The following MAGI1 variants were observed in gnomAD, a reference collection of about 807,000 sequenced individuals.
The protein encoded by MAGI1 is membrane associated guanylate kinase, WW and PDZ domain containing 1, also known as membrane-associated guanylate kinase, WW and PDZ domain-containing protein 1.
A neutral mutation model predicts 139.9 loss-of-function variants in MAGI1; 58 were observed. That is an observed-to-expected ratio of 0.41 (90% CI 0.34 to 0.52). MAGI1 has a LOEUF of 0.52. Ranked by LOEUF, MAGI1 falls within the 20% of genes least tolerant of loss-of-function variation. MAGI1 has a pLI of 0.12. For missense variants in MAGI1, 1,874 were observed against 1,901.6 expected, an observed-to-expected ratio of 0.99 and a Z score of 0.27; for synonymous variants, 812 against 737.9, an observed-to-expected ratio of 1.10 and a Z score of -1.63.
chr3:65,731,332 G>C (rs1023444804), intron 1 of MAGI1, among the ~76,000 whole-genome samples: 1 of 151,906 alleles, frequency 6.6e-6, no homozygotes, highest in African/African-American at 2.4e-5. Context: ...GGCTCCAGTC[G>C]GGTTAAATAG....
intron 3 of MAGI1, among the ~76,000 whole-genome samples, chr3:65,490,102 A>G (rs11131029): frequency 0.98 from 149,440 of 152,280 alleles, 73,391 homozygotes; most frequent in East Asian, 1. Flanking sequence ...GATCCACTAC[A>G]GGAGCAATTT....
At chr3:65,624,087 C>G (rs1377540123) in intron 1 of MAGI1, among the ~76,000 whole-genome samples, 1 of 152,138 alleles carries the variant, frequency 6.6e-6, no homozygotes, top group Non-Finnish European at 1.5e-5. Context: ...CACTAAGTAA[C>G]TACTTGAATA....
At chr3:65,655,092 C>T (rs2085796563) in intron 1 of MAGI1, among the ~76,000 whole-genome samples, 1 of 152,138 alleles carries the variant, frequency 6.6e-6, no homozygotes, top group Admixed American at 6.6e-5. Context: ...TTTATAAGCT[C>T]CCTTTATTAC....
At chr3:65,772,475 A>C (rs1457245047) in intron 1 of MAGI1, among the ~76,000 whole-genome samples, 1 of 152,170 alleles carries the variant, frequency 6.6e-6, no homozygotes, top group African/African-American at 2.4e-5. Flanking sequence ...CAATGTAGGC[A>C]AAAGACCTAA....
chr3:65,493,678 A>T, intron 2 of MAGI1, 47 bp from the exon 3 acceptor site: 2 of 1,610,026 alleles, frequency 1.2e-6, no homozygotes, highest in South Asian at 2.2e-5. Flanking sequence ...ATCAACTAAA[A>T]CAGGAAGTTC....
chr3:65,567,785 A>G (rs1029714571), intron 2 of MAGI1, among the ~76,000 whole-genome samples: 2 of 152,086 alleles, frequency 1.3e-5, no homozygotes, highest in African/African-American at 4.8e-5. Flanking sequence ...GCAGTGAGCC[A>G]TGATCATGCC....
At chr3:65,468,381 T>C (rs1950315078) in intron 5 of MAGI1, among the ~76,000 whole-genome samples, 1 of 136,462 alleles carries the variant, frequency 7.3e-6, no homozygotes, top group Non-Finnish European at 1.6e-5. Context: ...TTTTTTTTTT[T>C]TTTTTTTTTT....
At chr3:65,899,295 G>C (rs532838838) in intron 1 of MAGI1, among the ~76,000 whole-genome samples, 1 of 152,308 alleles carries the variant, frequency 6.6e-6, no homozygotes, top group South Asian at 2.1e-4. Flanking sequence ...AAAGTAAAAT[G>C]TGAGGATTCA....
At chr3:65,710,085 A>G (rs1338040928) in intron 1 of MAGI1, among the ~76,000 whole-genome samples, 1 of 152,142 alleles carries the variant, frequency 6.6e-6, no homozygotes, top group Non-Finnish European at 1.5e-5. Context: ...TGTTAGAGAA[A>G]GTATGTTAAG....
intron 1 of MAGI1, among the ~76,000 whole-genome samples, chr3:65,804,385 T>C (rs143638294): frequency 6.6e-6 from 1 of 151,748 alleles, no homozygotes; most frequent in African/African-American, 2.4e-5. Flanking sequence ...TAAATTGATA[T>C]AAATTTATTG....
At chr3:65,468,516 T>C (rs951673162) in intron 5 of MAGI1, among the ~76,000 whole-genome samples, 3 of 151,578 alleles carry the variant, frequency 2.0e-5, no homozygotes, top group African/African-American at 4.8e-5. Context: ...GCTGGGACTA[T>C]AGGCATGCAC....
At chr3:65,859,205 T>C (rs1001457189) in intron 1 of MAGI1, among the ~76,000 whole-genome samples, 7 of 151,790 alleles carry the variant, frequency 4.6e-5, no homozygotes, top group African/African-American at 1.7e-4. Flanking sequence ...TGGTGGCGCA[T>C]GCCTGTAATC....
chr3:65,578,041 A>G (rs77293257), intron 2 of MAGI1, among the ~76,000 whole-genome samples: 22,434 of 152,078 alleles, frequency 0.15, 1,822 homozygotes, highest in South Asian at 0.2. Context: ...TTGGCCTTCT[A>G]CCCAGCATGC....
intron 1 of MAGI1, among the ~76,000 whole-genome samples, chr3:65,633,342 T>C (rs1032519396): frequency 2.0e-5 from 3 of 152,200 alleles, no homozygotes; most frequent in African/African-American, 7.2e-5. Flanking sequence ...CTTTTAGTCA[T>C]GTTTCTGTAA....
At chr3:65,391,404 G>C (rs886619723) in intron 13 of MAGI1, 46 bp from the exon 14 acceptor site, 34 of 1,526,080 alleles carry the variant, frequency 2.2e-5, no homozygotes, top group Middle Eastern at 1.7e-4. Flanking sequence ...GATTATTATT[G>C]GTTCTCTGAA....
intron 2 of MAGI1, among the ~76,000 whole-genome samples, chr3:65,509,168 G>A (rs371252017): frequency 3.3e-5 from 5 of 152,272 alleles, no homozygotes; most frequent in Middle Eastern, 3.4e-3. Context: ...CCTCCAATGG[G>A]TTGTTTCAAA....
chr3:65,525,379 C>T (rs558533571), intron 2 of MAGI1, among the ~76,000 whole-genome samples: 2 of 152,294 alleles, frequency 1.3e-5, no homozygotes, highest in African/African-American at 4.8e-5. Context: ...ACATTGTCTG[C>T]TGTACTGGGA....
intron 1 of MAGI1, among the ~76,000 whole-genome samples, chr3:65,669,397 A>C (rs984761455): frequency 6.6e-6 from 1 of 152,182 alleles, no homozygotes; most frequent in Non-Finnish European, 1.5e-5. Flanking sequence ...CTCTTTGGTC[A>C]AGTTTTCCCT....
intron 1 of MAGI1, among the ~76,000 whole-genome samples, chr3:65,803,113 A>G (rs2040620847): frequency 1.3e-5 from 2 of 152,094 alleles, no homozygotes; most frequent in African/African-American, 4.8e-5. Flanking sequence ...GCAAAATCAA[A>G]GTATTTCACT....
Sources: allele counts gnomAD v4.1 joint callset (sites outside exome capture counted in the v4.1 genomes callset), GRCh38; gene constraint gnomAD v4.1.1; transcripts MANE v1.5; gene names NCBI Gene and HGNC (gene_info 2026-07-23, HGNC 2026-07-21).